SCAF8: variants seen among roughly 807,000 people sequenced by gnomAD.
SCAF8 encodes SR-related CTD associated factor 8, also known as SR-related and CTD-associated factor 8.
A neutral mutation model predicts 140.5 loss-of-function variants in SCAF8; 23 were observed. That is an observed-to-expected ratio of 0.16 (90% CI 0.12 to 0.23). The LOEUF (loss-of-function observed/expected upper bound fraction) is 0.23, where lower values mean the gene tolerates loss of function less well. SCAF8 is among the 10% of genes least tolerant of loss of function. The probability of loss-of-function intolerance (pLI) is 1.00; values close to 1 mark genes in which losing one functional copy is unlikely to be tolerated. For synonymous variants in SCAF8, 575 were observed against 528.9 expected (o/e 1.09, Z -1.20); for missense variants, 1,397 against 1,555.7 (o/e 0.90, Z 1.72).
Position 154,824,255 on chromosome 6 carries a change from C to G in SCAF8, c.1948C>G (p.Pro650Ala). ...AAAGATTCCAGTGGCGCCAGCCGTG[C>G]CTACAGTTAGTTTAGTCCCACCAGC... ...MLQIPVAPAVPTVSLVPPAFP... is the reference protein window; with the variant it reads ...MLQIPVAPAVATVSLVPPAFP... Residue 650 changes from proline (P) to alanine (A), a missense_variant, in exon 17 of 20, where the codon CCT (proline) becomes GCT (alanine). Coordinates refer to ENST00000367178, the MANE Select transcript of SCAF8 (RefSeq NM_014892.5). 6.2e-7 allele frequency: 1 copy of G among 1,613,906 alleles called. No individual in the cohort carries two copies. Among genetic ancestry groups the G allele is most frequent in the Non-Finnish European group, 8.5e-7 (1 of 1,179,840 alleles).
At chr6:154,772,941 G>A (rs1355442269) in intron 1 of SCAF8, among the ~76,000 whole-genome samples, 1 of 152,012 alleles carries the variant, frequency 6.6e-6, no homozygotes, top group East Asian at 1.9e-4. Flanking sequence ...TGTATTTTTA[G>A]TAGCGACAGG....
At chr6:154,812,457 A>T (rs190918300) in intron 12 of SCAF8, among the ~76,000 whole-genome samples, 3 of 152,118 alleles carry the variant, frequency 2.0e-5, no homozygotes, top group Admixed American at 2.0e-4. Flanking sequence ...CCTTACTGTG[A>T]TATCTGCTTT....
At chr6:154,809,445 C>T (rs1331894741) in intron 11 of SCAF8, among the ~76,000 whole-genome samples, 3 of 152,102 alleles carry the variant, frequency 2.0e-5, no homozygotes, top group Admixed American at 2.0e-4. Context: ...TCTAAACCCA[C>T]CGCGTATCAC....
intron 3 of SCAF8, among the ~76,000 whole-genome samples, chr6:154,786,453 T>C (rs1452174510): frequency 6.6e-6 from 1 of 152,244 alleles, no homozygotes; most frequent in Non-Finnish European, 1.5e-5. Context: ...GACCCTAAAC[T>C]GTAATTTCTA....
In SCAF8 at chr6:154,833,137, T is replaced by G. The variant is rs749664488; in HGVS notation, c.3558T>G (p.Thr1186=). 1.9e-6 allele frequency: 3 copies of G among 1,613,974 alleles called. No individual in the cohort carries two copies. In the East Asian group the frequency reaches 6.7e-5, roughly 36 times the overall value. The stretch of plus-strand genomic sequence containing the variant: ...TTGGACGAGACAGAATTCAAAACAC[T>G]TGGGTTCCCCCTCCTCATGCTCGGG... ...NRLGRDRIQN[T]WVPPPHARVF... is the part of the protein sequence containing the mutation. Residue 1186 remains threonine, a synonymous_variant, in exon 20 of 20, where the codon ACT becomes ACG. Transcript: ENST00000367178.
chr6:154,771,749 G>A (rs1165259893), intron 1 of SCAF8, among the ~76,000 whole-genome samples: 1 of 152,086 alleles, frequency 6.6e-6, no homozygotes, highest in African/African-American at 2.4e-5. Context: ...AGGGAGGGAG[G>A]AAGGGGTTGA....
intron 1 of SCAF8, among the ~76,000 whole-genome samples, chr6:154,747,650 T>C (rs1778734130): frequency 6.6e-6 from 1 of 152,204 alleles, no homozygotes; most frequent in Non-Finnish European, 1.5e-5. Context: ...AACTTGCTAC[T>C]TGTAAACAAG....
At chr6:154,799,129 C>T (rs1368108958) in intron 6 of SCAF8, among the ~76,000 whole-genome samples, 1 of 150,876 alleles carries the variant, frequency 6.6e-6, no homozygotes, top group East Asian at 1.9e-4. Flanking sequence ...AGGCACCCGC[C>T]ACCACGCCGA....
intron 3 of SCAF8, among the ~76,000 whole-genome samples, chr6:154,782,654 G>T (rs964255963): frequency 6.6e-6 from 1 of 151,914 alleles, no homozygotes; most frequent in Non-Finnish European, 1.5e-5. Flanking sequence ...TAACTTACAC[G>T]ATCACAAGGT....
At chr6:154,803,926 G>C (rs2114902353) in intron 8 of SCAF8, among the ~76,000 whole-genome samples, 1 of 152,222 alleles carries the variant, frequency 6.6e-6, no homozygotes, top group African/African-American at 2.4e-5. Flanking sequence ...AGAGTGGTTG[G>C]AATACTAGGA....
In SCAF8 at chr6:154,794,544, GTGT is replaced by G. The variant is rs949858030; in HGVS notation, c.476-460_476-458del. ...TCACAGTATAGTTTATTATTAGTTA[GTGT>G]TGTTAATCTCTTACTGTACCTAATT... On this transcript the variant is annotated intron_variant, in intron 5 of 19. Transcript: ENST00000367178. Among the ~76,000 whole-genome samples the G allele has an allele frequency of 2.0e-5, 3 of 152,174 alleles. No homozygotes were observed. The East Asian group carries it at 5.8e-4, about 29-fold the overall frequency.
At chr6:154,742,253 A>G (rs1778589606) in intron 1 of SCAF8, among the ~76,000 whole-genome samples, 2 of 152,144 alleles carry the variant, frequency 1.3e-5, no homozygotes, top group Non-Finnish European at 2.9e-5. Flanking sequence ...TAAATCATAT[A>G]TATATAAACT....
intron 19 of SCAF8, among the ~76,000 whole-genome samples, chr6:154,831,411 A>G (rs1027808525): frequency 1.3e-5 from 2 of 152,136 alleles, no homozygotes; most frequent in East Asian, 1.9e-4. Context: ...TGTGTTGTCA[A>G]AATAATACTG....
chr6:154,734,004 G>C (rs561459255), intron 1 of SCAF8, 74 bp downstream of exon 1: 2 of 1,440,480 alleles, frequency 1.4e-6, no homozygotes, highest in Non-Finnish European at 1.8e-6. Context: ...GGGCCCGGAG[G>C]GTGGGCGCGG....
Position 154,802,257 on chromosome 6 carries a change from T to C in SCAF8, c.783+110T>C, listed in dbSNP as rs1320814922. The C allele has an allele frequency of 1.1e-5, 7 of 624,496 alleles. No homozygotes were observed. The East Asian group carries it at 2.2e-4, about 19-fold the overall frequency. 38.7% of individuals were successfully genotyped at this position (624,496 alleles called of 1,614,324 possible). A position where few individuals can be genotyped will look rare whatever the true frequency, so the allele number is the denominator to read the frequency against. On this transcript the variant is annotated intron_variant, in intron 7 of 19. Coordinates refer to ENST00000367178, the MANE Select transcript of SCAF8 (RefSeq NM_014892.5). ...TATTGTAGACTTTCAGTATCTCCTG[T>C]ACACTGTATAAGACAGTCTGAATTT...
chr6:154,760,212 T>G (rs1779067842), intron 1 of SCAF8, among the ~76,000 whole-genome samples: 1 of 152,118 alleles, frequency 6.6e-6, no homozygotes, highest in South Asian at 2.1e-4. Flanking sequence ...GAGAATCACT[T>G]TAACCCGGGT....
intron 15 of SCAF8, among the ~76,000 whole-genome samples, chr6:154,821,474 TAAAC>T (rs996984972): frequency 1.2e-4 from 19 of 152,076 alleles, no homozygotes; most frequent in Admixed American, 7.2e-4. Context: ...AAACAGATAA[TAAAC>T]AAAATAGATA....
chr6:154,736,991 A>T (rs556455127), intron 1 of SCAF8, among the ~76,000 whole-genome samples: 38 of 152,370 alleles, frequency 2.5e-4, no homozygotes, highest in African/African-American at 8.9e-4. Context: ...ACACAAAACA[A>T]TACATAATAC....
At chr6:154,814,223 G>A (rs1778182015) in intron 12 of SCAF8, among the ~76,000 whole-genome samples, 1 of 152,150 alleles carries the variant, frequency 6.6e-6, no homozygotes, top group Admixed American at 6.5e-5. Context: ...TACTCGCGAG[G>A]CTGAGGATCA....
Sources: gnomAD v4.1 joint callset for allele counts (sites outside exome capture counted in the v4.1 genomes callset) on GRCh38, gnomAD v4.1.1 for gene constraint, MANE v1.5 for transcripts, NCBI Gene and HGNC (gene_info 2026-07-23, HGNC 2026-07-21) for gene names.